Variants in PICALM observed in about 807,000 individuals in gnomAD.
The protein encoded by PICALM is phosphatidylinositol-binding clathrin assembly protein.
PICALM carries 40 observed loss-of-function variants against 80.5 expected under a neutral mutation model. The observed-to-expected ratio is 0.50, with a 90% CI of 0.39 to 0.65. The LOEUF (loss-of-function observed/expected upper bound fraction) is 0.65. Ranked by LOEUF, PICALM falls within the 30% of genes least tolerant of loss-of-function variation. PICALM has a pLI of 0.00. For synonymous variants in PICALM, 288 were observed against 260.3 expected (o/e 1.11, Z -1.02); for missense variants, 676 against 778.9 (o/e 0.87, Z 1.57).
At chr11:86,033,314 A>G (rs946775751) in intron 1 of PICALM, among the ~76,000 whole-genome samples, 2 of 152,164 alleles carry the variant, frequency 1.3e-5, no homozygotes, top group Admixed American at 6.5e-5. Context: ...GTTATAAAAC[A>G]TATGTGTATG....
intron 2 of PICALM, among the ~76,000 whole-genome samples, chr11:86,029,749 T>C (rs2095716522): frequency 6.6e-6 from 1 of 152,248 alleles, no homozygotes; most frequent in African/African-American, 2.4e-5. Context: ...CATACACGCT[T>C]GGAATTCTTC....
chr11:86,029,987 A>G (rs2095720005), intron 2 of PICALM, among the ~76,000 whole-genome samples: 4 of 152,334 alleles, frequency 2.6e-5, no homozygotes, highest in Middle Eastern at 3.4e-3. Context: ...CATTTTTAAA[A>G]ATTAAAAACT....
chr11:85,966,616 T>G (rs2093908345), intron 19 of PICALM, among the ~76,000 whole-genome samples: 4 of 152,328 alleles, frequency 2.6e-5, no homozygotes, highest in African/African-American at 9.6e-5. Flanking sequence ...TGCTGAATTG[T>G]GACCCCCCAA....
chr11:86,002,536 AG>A (rs1324429979), intron 9 of PICALM, among the ~76,000 whole-genome samples: 1 of 152,346 alleles, frequency 6.6e-6, no homozygotes, highest in Admixed American at 6.5e-5. Flanking sequence ...TCTTAGTCTG[AG>A]GAATTAGCTT....
chr11:86,027,500 ATTT>A (rs747834494), intron 2 of PICALM, among the ~76,000 whole-genome samples: 3 of 140,314 alleles, frequency 2.1e-5, no homozygotes, highest in Non-Finnish European at 1.6e-5. Flanking sequence ...TGAAATCAGT[ATTT>A]TTTTTTTTTT....
chr11:86,048,131 C>T (rs530151422), intron 1 of PICALM, among the ~76,000 whole-genome samples: 4 of 152,232 alleles, frequency 2.6e-5, no homozygotes, highest in South Asian at 2.1e-4. Flanking sequence ...TCTCCTGATG[C>T]GAAGCAATGG....
chr11:85,977,329 T>G (rs2094314158), intron 17 of PICALM, among the ~76,000 whole-genome samples: 1 of 152,232 alleles, frequency 6.6e-6, no homozygotes, highest in South Asian at 2.1e-4. Flanking sequence ...TATGCTTTCA[T>G]GTTTAAAAGA....
intron 19 of PICALM, among the ~76,000 whole-genome samples, chr11:85,967,276 G>A (rs994837802): frequency 1.3e-5 from 2 of 152,202 alleles, no homozygotes. Context: ...TATTATACAT[G>A]GTCACTGATG....
intron 2 of PICALM, among the ~76,000 whole-genome samples, chr11:86,029,911 T>C (rs1173010831): frequency 1.3e-5 from 2 of 152,214 alleles, no homozygotes; most frequent in Non-Finnish European, 2.9e-5. Flanking sequence ...GCAACTAACA[T>C]AAGTCCTAAA....
intron 19 of PICALM, among the ~76,000 whole-genome samples, chr11:85,969,816 G>C (rs1422882891): frequency 6.6e-6 from 1 of 152,106 alleles, no homozygotes; most frequent in African/African-American, 2.4e-5. Flanking sequence ...ACTGTGTTCG[G>C]CCAACAGTTT....
chr11:85,981,154 G>A lies in PICALM; in HGVS notation c.1754C>T (p.Thr585Ile). The change falls in exon 17 of 20, where the codon ACA becomes ATA. Residue 585 changes from threonine to isoleucine, a missense_variant. By Grantham distance (89) the Thr-to-Ile change is moderately conservative (BLOSUM62 -1). Coordinates refer to ENST00000393346, the MANE Select transcript of PICALM (RefSeq NM_007166.4). The stretch of plus-strand genomic sequence containing the variant: ...CATTGTTGCAGCATTCCAAGCGGTT[G>A]TTGGTGCAACCTTTGGTTGCCAGTT... ...GSNWQPKVAP[T>I]TAWNAATMAP... 1 of 1,600,942 alleles carries A rather than the reference G, an allele frequency of 6.2e-7. No individual in the cohort carries two copies. Among genetic ancestry groups the A allele is most frequent in the Non-Finnish European group, 8.6e-7 (1 of 1,168,082 alleles).
intron 17 of PICALM, chr11:85,977,918 C>A: frequency 1.5e-6 from 1 of 662,058 alleles, no homozygotes; most frequent in Middle Eastern, 2.6e-4. Context: ...TGCAACACAC[C>A]CATGAAATCA....
chr11:86,040,294 TATGA>T (rs2095937120), intron 1 of PICALM, among the ~76,000 whole-genome samples: 1 of 152,282 alleles, frequency 6.6e-6, no homozygotes, highest in South Asian at 2.1e-4. Flanking sequence ...GTGAGGTATG[TATGA>T]GTGGCGAAAA....
At chr11:85,976,731 T>A in intron 17 of PICALM, 49 bp from the exon 18 acceptor site, 4 of 1,067,254 alleles carry the variant, frequency 3.7e-6, no homozygotes, top group Non-Finnish European at 5.8e-6. Context: ...CTCATGTGTG[T>A]CAACTGAGTT....
intron 17 of PICALM, among the ~76,000 whole-genome samples, chr11:85,980,479 G>T (rs1186732082): frequency 6.6e-6 from 1 of 152,104 alleles, no homozygotes; most frequent in Non-Finnish European, 1.5e-5. Context: ...CCCAGCAAGG[G>T]TTCAGTGTTC....
At position 85,958,336 on chromosome 11, in the gene PICALM, A is replaced by G. The variant is rs2093583097; in HGVS notation, c.*710T>C. 1 of 213,714 alleles carries G rather than the reference A, an allele frequency of 4.7e-6. No individual in the cohort carries two copies. Among genetic ancestry groups the G allele is most frequent in the Non-Finnish European group, 9.5e-6 (1 of 105,570 alleles). The allele number at this position is 213,714 out of a possible 1,614,324, so 13.2% of individuals were successfully genotyped here. A position where few individuals can be genotyped will look rare whatever the true frequency, so the allele number is the denominator to read the frequency against. Reference sequence around the variant, plus strand: ...ATTCTTAAGAGATTCAGACCTATGGACTTGCCTTAAAATATTTAGTGCTCT... The same window carrying G: ...ATTCTTAAGAGATTCAGACCTATGGGCTTGCCTTAAAATATTTAGTGCTCT... On this transcript the variant is annotated 3_prime_UTR_variant, in exon 20 of 20. Transcript: ENST00000393346.
At chr11:86,004,172 T>C (rs1232481569) in intron 8 of PICALM, among the ~76,000 whole-genome samples, 2 of 152,092 alleles carry the variant, frequency 1.3e-5, no homozygotes, top group East Asian at 1.9e-4. Flanking sequence ...AAACTGCAAA[T>C]AATCCAAAAC....
chr11:86,041,369 TTCC>T (rs2095963016), intron 1 of PICALM, among the ~76,000 whole-genome samples: 1 of 152,166 alleles, frequency 6.6e-6, no homozygotes, highest in African/African-American at 2.4e-5. Flanking sequence ...CCACCCCATA[TTCC>T]TCCTCCTGCC....
At chr11:86,063,351 T>C (rs1414987628) in intron 1 of PICALM, among the ~76,000 whole-genome samples, 4 of 133,740 alleles carry the variant, frequency 3.0e-5, no homozygotes, top group African/African-American at 6.1e-5. Flanking sequence ...TATCCAGATA[T>C]ATAAAATATT....
Sources: allele counts gnomAD v4.1 joint callset (sites outside exome capture counted in the v4.1 genomes callset), GRCh38; gene constraint gnomAD v4.1.1; transcripts MANE v1.5; gene names NCBI Gene and HGNC (gene_info 2026-07-23, HGNC 2026-07-21).